Variants in C2CD4D observed in about 807,000 individuals in gnomAD.
C2CD4D encodes C2 calcium dependent domain containing 4D.
Under a neutral mutation model 0.2 loss-of-function variants are expected in C2CD4D, and 1 was observed. That is an observed-to-expected ratio of 4.00 (90% CI 1.42 to 18.99). C2CD4D has a LOEUF of 18.99. Among genes scored for constraint, C2CD4D ranks in the 30% most tolerant of loss-of-function variants. The pLI is 0.11. For synonymous variants in C2CD4D, 269 were observed against 279.8 expected, an observed-to-expected ratio of 0.96 and a Z score of 0.39; for missense variants, 552 against 551.2, an observed-to-expected ratio of 1.00 and a Z score of -0.01.
At chr1:151,838,767 C>G in exon 2 of C2CD4D, 3 of 1,343,414 alleles carry the variant, frequency 2.2e-6, no homozygotes, top group Non-Finnish European at 2.9e-6. Flanking sequence ...GCGGGGAGGC[C>G]GCGCCCCGCC....
At position 151,838,266 on chromosome 1, in the gene C2CD4D, C is replaced by A; in HGVS notation, c.724G>T (p.Glu242Ter). 1 of 1,325,442 alleles carries A rather than the reference C, an allele frequency of 7.5e-7. No homozygotes were observed. The highest frequency in any genetic ancestry group is 9.6e-7 in the Non-Finnish European group (1 of 1,038,618). The allele number at this position is 1,325,442 out of a possible 1,614,324, so 82.1% of individuals were successfully genotyped here. ...CGGGACCGCGGCCGGGGCAGGCCCTCGGCGCTCACTAGGCGCAGCCGCAGC... is the reference window on the plus strand; with the variant it reads ...CGGGACCGCGGCCGGGGCAGGCCCTAGGCGCTCACTAGGCGCAGCCGCAGC... Residue 242 changes from glutamate (E) to a stop codon, truncating the protein, a stop_gained, in exon 2 of 2, where the codon GAG becomes TAG. Transcript: ENST00000454109. LOFTEE classifies it low-confidence loss of function (END_TRUNC).
rs760011034 is a variant in C2CD4D at position 151,838,043 on chromosome 1, A to T, written c.947T>A (p.Leu316His). Residue 316 changes from leucine (L) to histidine (H), a missense_variant, in exon 2 of 2, where the codon CTT (leucine) becomes CAT (histidine). Leu to His is a moderately conservative substitution (Grantham distance 99). Transcript: ENST00000454109. ...CTCCCCCAGCAGCACATCCCTGCGA[A>T]GTCCCGCGCCCCTGTCTAGCACCTT... 6.4e-7 allele frequency: 1 copy of T among 1,551,356 alleles called. No homozygotes were observed. The highest frequency in any genetic ancestry group is 1.4e-5 in the African/African-American group (1 of 73,060).
exon 2 of C2CD4D, chr1:151,838,145 G>C: frequency 6.4e-7 from 1 of 1,551,344 alleles, no homozygotes; most frequent in South Asian, 1.2e-5. Flanking sequence ...GATGGGGTTG[G>C]CGCTGCACTT....
exon 1 of C2CD4D, chr1:151,840,294 C>G (rs1287161730): frequency 6.6e-6 from 1 of 152,536 alleles, no homozygotes; most frequent in Non-Finnish European, 1.5e-5. Flanking sequence ...TAGCAACAAT[C>G]CATTCCTGTG....
rs1229925703 is a variant in C2CD4D, at chr1:151,838,164, G to A, written c.826C>T (p.Arg276Cys). 4 of 1,550,958 alleles carry A rather than the reference G, an allele frequency of 2.6e-6. No homozygotes were observed. In the East Asian group the frequency reaches 7.3e-5, roughly 28 times the overall value. ...GGGTTGGCGCTGCACTTGACCACGCGGCTCTGCTGCTCCCGCGGCCGGACG... is the reference window on the plus strand; with the variant it reads ...GGGTTGGCGCTGCACTTGACCACGCAGCTCTGCTGCTCCCGCGGCCGGACG... The change falls in exon 2 of 2, where the codon CGC (arginine) becomes TGC (cysteine). Residue 276 changes from arginine to cysteine, a missense_variant. Arg to Cys is a radical substitution (Grantham distance 180, BLOSUM62 -3). Coordinates refer to ENST00000454109, the Ensembl canonical transcript of C2CD4D.
chr1:151,839,130 G>GCGGT, exon 2 of C2CD4D: 1 of 955,068 alleles, frequency 1.0e-6, no homozygotes, highest in Non-Finnish European at 1.5e-6. Flanking sequence ...CGTACACCGG[G>GCGGT]CGGTCAGCCA....
At chr1:151,838,816 C>T in exon 2 of C2CD4D, 1 of 1,429,990 alleles carries the variant, frequency 7.0e-7, no homozygotes, top group Non-Finnish European at 9.1e-7. Flanking sequence ...CGCCCGGGTC[C>T]GGGAGCCGAG....
chr1:151,837,985 C>A (rs776569015), exon 2 of C2CD4D: 3 of 1,549,454 alleles, frequency 1.9e-6, no homozygotes, highest in Non-Finnish European at 2.6e-6. Context: ...CCCCACCCAG[C>A]GGGGGCAGCA....
At chr1:151,838,991 C>T (rs1489092096) in exon 2 of C2CD4D, 4 of 1,549,910 alleles carry the variant, frequency 2.6e-6, no homozygotes, top group African/African-American at 1.4e-5. Flanking sequence ...GAGCCACATG[C>T]GGTGGGTGGG....
At chr1:151,839,259 C>T (rs1652705660) in intron 1 of C2CD4D, 39 bp from the exon 2 acceptor site, 1 of 504,226 alleles carries the variant, frequency 2.0e-6, no homozygotes, top group African/African-American at 2.0e-5. Context: ...CAGTCAGTCA[C>T]ATTTTCATAT....
chr1:151,838,399 C>CAT lies in C2CD4D; in HGVS notation c.590_591insAT (p.Asp198TrpfsTer42). On this transcript the variant is annotated frameshift_variant, in exon 2 of 2. Transcript: ENST00000454109. LOFTEE classifies it low-confidence loss of function (END_TRUNC). ...GCCGCAGCTGGCAGCACAGGAAGTC[C>CAT]AGGTGGAAGAGCGGCGGCGTGGGCG... is the stretch of plus-strand genomic sequence containing the variant. The CAT allele has an allele frequency of 6.9e-7, 1 of 1,439,972 alleles. No individual in the cohort carries two copies. The highest frequency in any genetic ancestry group is 9.1e-7 in the Non-Finnish European group (1 of 1,097,988). The allele number at this position is 1,439,972 out of a possible 1,614,324, so 89.2% of individuals were successfully genotyped here.
exon 2 of C2CD4D, chr1:151,837,918 G>A (rs1284803436): frequency 2.0e-6 from 3 of 1,508,272 alleles, no homozygotes; most frequent in Non-Finnish European, 2.7e-6. Context: ...GAGGAAGCCA[G>A]GGGCTCAGGC....
chr1:151,838,584 G>A (rs1652659452), exon 2 of C2CD4D: 4 of 1,316,286 alleles, frequency 3.0e-6, no homozygotes, highest in South Asian at 2.1e-5. Flanking sequence ...TCGGGGGCCC[G>A]GCAGAGGCGC....
chr1:151,838,412 G>C (rs1288344122), exon 2 of C2CD4D: 6 of 1,430,186 alleles, frequency 4.2e-6, no homozygotes, highest in Non-Finnish European at 5.5e-6. Flanking sequence ...GTGGAAGAGC[G>C]GCGGCGTGGG....
Position 151,838,749 on chromosome 1 carries a change from AG to A in C2CD4D, c.240del (p.Ser81ArgfsTer158). ...TCGCGGCCCGCCAGGTGAGGCAGCG[AG>A]CAGGTCGCGGGGAGGCCGCGCCCCG... On this transcript the variant is annotated frameshift_variant, in exon 2 of 2. Transcript: ENST00000454109. LOFTEE classifies it low-confidence loss of function (END_TRUNC). 2.2e-6 allele frequency: 3 copies of A among 1,336,466 alleles called. No homozygotes were observed. Among genetic ancestry groups the A allele is most frequent in the Non-Finnish European group, 2.9e-6 (3 of 1,049,130 alleles). The allele number at this position is 1,336,466 out of a possible 1,614,324, so 82.8% of individuals were successfully genotyped here.
chr1:151,839,762 C>A (rs1652728322), intron 1 of C2CD4D, among the ~76,000 whole-genome samples: 1 of 152,200 alleles, frequency 6.6e-6, no homozygotes, highest in African/African-American at 2.4e-5. Flanking sequence ...AGAATCCCAC[C>A]CCCAGTAGCC....
intron 1 of C2CD4D, among the ~76,000 whole-genome samples, 152 bp from the exon 1 acceptor site, chr1:151,839,972 C>T (rs1260858095): frequency 6.6e-6 from 1 of 152,226 alleles, no homozygotes; most frequent in Non-Finnish European, 1.5e-5. Context: ...CTCACCCCTG[C>T]GCGGAGCCAC....
Position 151,838,258 on chromosome 1 carries a change from C to T in C2CD4D, c.732G>A (p.Leu244=), listed in dbSNP as rs1652639915. The change falls in exon 2 of 2, where the codon CTG becomes CTA. Residue 244 remains leucine (L), a synonymous_variant. Transcript: ENST00000454109. ...TCCCGGGGCGGGACCGCGGCCGGGG[C>T]AGGCCCTCGGCGCTCACTAGGCGCA... 5 of 1,335,202 alleles carry T rather than the reference C, an allele frequency of 3.7e-6. No homozygotes were observed. In the South Asian group the frequency reaches 1.1e-4, roughly 30 times the overall value. The allele number at this position is 1,335,202 out of a possible 1,614,324, so 82.7% of individuals were successfully genotyped here. A position where few individuals can be genotyped will look rare whatever the true frequency, so the allele number is the denominator to read the frequency against.
exon 2 of C2CD4D, chr1:151,838,303 G>A (rs936591379): frequency 7.2e-7 from 1 of 1,388,518 alleles, no homozygotes; most frequent in African/African-American, 1.5e-5. Context: ...GCCCGGGCCC[G>A]GCCTGATATT....
Sources: gnomAD v4.1 joint callset for allele counts (sites outside exome capture counted in the v4.1 genomes callset) on GRCh38, gnomAD v4.1.1 for gene constraint, MANE v1.5 for transcripts, NCBI Gene and HGNC (gene_info 2026-07-23, HGNC 2026-07-21) for gene names.